Variants in KLF12 observed in about 807,000 individuals in gnomAD.
KLF12 encodes the protein KLF transcription factor 12.
KLF12 carries 9 observed loss-of-function variants against 37.8 expected under a neutral mutation model. The ratio of observed to expected loss-of-function variants is 0.24; its 90% CI spans 0.14 to 0.42. KLF12 has a LOEUF of 0.42. Among genes scored for constraint, KLF12 ranks in the 10% least tolerant of loss-of-function variants. KLF12 has a pLI of 1.00. For synonymous variants in KLF12, 208 were observed against 202.1 expected (o/e 1.03, Z -0.25); for missense variants, 411 against 516.0 (o/e 0.80, Z 1.97).
chr13:73,779,458 T>C (rs1338419225), intron 5 of KLF12, among the ~76,000 whole-genome samples: 1 of 152,158 alleles, frequency 6.6e-6, no homozygotes, highest in Non-Finnish European at 1.5e-5. Flanking sequence ...AATACATCCA[T>C]GTGCTGGGAG....
chr13:73,794,306 C>T (rs916974724), intron 5 of KLF12, among the ~76,000 whole-genome samples: 1 of 152,114 alleles, frequency 6.6e-6, no homozygotes, highest in African/African-American at 2.4e-5. Flanking sequence ...ATTAAAAATA[C>T]AAAAATTAGC....
intron 4 of KLF12, among the ~76,000 whole-genome samples, chr13:73,841,203 C>G (rs932355895): frequency 6.6e-6 from 1 of 152,094 alleles, no homozygotes; most frequent in Non-Finnish European, 1.5e-5. Context: ...CACTGCATAT[C>G]GGAAGGAAGG....
At chr13:74,102,480 C>T (rs1430590691) in intron 1 of KLF12, among the ~76,000 whole-genome samples, 1 of 151,870 alleles carries the variant, frequency 6.6e-6, no homozygotes, top group Middle Eastern at 3.4e-3. Context: ...AGCGGATCAC[C>T]TGAGGGTAGG....
At chr13:73,950,386 T>G (rs1356595251) in intron 2 of KLF12, among the ~76,000 whole-genome samples, 4 of 152,188 alleles carry the variant, frequency 2.6e-5, no homozygotes, top group African/African-American at 9.7e-5. Flanking sequence ...CTACTTTCCT[T>G]TGTTCATTGG....
chr13:74,297,065 G>GTCAT, the KLF12 span, among the ~76,000 whole-genome samples: 4 of 151,464 alleles, frequency 2.6e-5, no homozygotes, highest in African/African-American at 7.3e-5. Flanking sequence ...CAAAGTGAAA[G>GTCAT]TCATTCATTC....
At chr13:73,978,120 G>C (rs1891588612) in intron 2 of KLF12, among the ~76,000 whole-genome samples, 1 of 152,106 alleles carries the variant, frequency 6.6e-6, no homozygotes. Flanking sequence ...TAACTGATAA[G>C]CTGAACTTCA....
At chr13:73,761,799 A>C (rs1879572116) in intron 6 of KLF12, among the ~76,000 whole-genome samples, 1 of 152,136 alleles carries the variant, frequency 6.6e-6, no homozygotes. Context: ...AGAGGTTTTT[A>C]CTTCCCTACC....
At chr13:74,269,524 T>A in the KLF12 span, among the ~76,000 whole-genome samples, 1 of 152,194 alleles carries the variant, frequency 6.6e-6, no homozygotes, top group South Asian at 2.1e-4. Flanking sequence ...ATAATGGGAC[T>A]CTGGATGGTC....
At chr13:73,809,273 A>C (rs1338084381) in intron 5 of KLF12, among the ~76,000 whole-genome samples, 1 of 151,684 alleles carries the variant, frequency 6.6e-6, no homozygotes, top group Admixed American at 6.6e-5. Context: ...TATTTAATAC[A>C]TTAAGTTTAT....
At chr13:74,133,505 G>A (rs1161231420) in intron 1 of KLF12, among the ~76,000 whole-genome samples, 1 of 151,706 alleles carries the variant, frequency 6.6e-6, no homozygotes, top group Non-Finnish European at 1.5e-5. Context: ...TCTTCTCCAC[G>A]AATCCGACCG....
chr13:73,980,385 A>G (rs1323063962), intron 2 of KLF12, among the ~76,000 whole-genome samples: 1 of 152,186 alleles, frequency 6.6e-6, no homozygotes, highest in South Asian at 2.1e-4. Context: ...CCCAGTCAGA[A>G]TATTTTTTTA....
At position 74,027,106 on chromosome 13, in the gene KLF12, G is replaced by A. The variant is rs148595201; in HGVS notation, c.-31-32053C>T. Among the ~76,000 whole-genome samples the A allele has an allele frequency of 4.9e-3, 748 of 152,202 alleles. 2 individuals carry two copies. The highest frequency in any genetic ancestry group is 0.017 in the Middle Eastern group (5 of 294). Reference sequence around the variant, plus strand: ...TAGAATAAAGAAGCAGAATAGAAAAGAACAATGGGAAAGAGATGCAGAATT... The same window carrying A: ...TAGAATAAAGAAGCAGAATAGAAAAAAACAATGGGAAAGAGATGCAGAATT... On this transcript the variant is annotated intron_variant, in intron 1 of 7. Transcript: ENST00000377669.
At chr13:73,837,915 C>T (rs183952011) in intron 4 of KLF12, among the ~76,000 whole-genome samples, 8 of 152,206 alleles carry the variant, frequency 5.3e-5, no homozygotes, top group Admixed American at 2.0e-4. Context: ...GGATGGGTGA[C>T]GCCAGGATTC....
intron 5 of KLF12, among the ~76,000 whole-genome samples, chr13:73,780,557 G>A (rs1270480031): frequency 1.3e-5 from 2 of 151,126 alleles, no homozygotes; most frequent in African/African-American, 4.9e-5. Flanking sequence ...TTGGCTCACC[G>A]CAACCTCCGC....
At chr13:73,748,299 G>A (rs1878509372) in intron 6 of KLF12, among the ~76,000 whole-genome samples, 1 of 152,126 alleles carries the variant, frequency 6.6e-6, no homozygotes, top group Non-Finnish European at 1.5e-5. Flanking sequence ...TATTATATAT[G>A]ATCCTTGTCT....
chr13:74,080,885 G>A (rs768545608), intron 1 of KLF12, among the ~76,000 whole-genome samples: 1 of 152,312 alleles, frequency 6.6e-6, no homozygotes, highest in African/African-American at 2.4e-5. Flanking sequence ...GACAAAGGAA[G>A]CCCTTTAAGT....
At chr13:73,770,341 C>T (rs1379445106) in intron 5 of KLF12, among the ~76,000 whole-genome samples, 1 of 152,032 alleles carries the variant, frequency 6.6e-6, no homozygotes, top group Non-Finnish European at 1.5e-5. Context: ...TGTTTAAATT[C>T]AGTGGGCCTA....
At chr13:74,005,285 T>A (rs1279205231) in intron 1 of KLF12, among the ~76,000 whole-genome samples, 1 of 152,164 alleles carries the variant, frequency 6.6e-6, no homozygotes, top group Non-Finnish European at 1.5e-5. Context: ...GTTAACTTCC[T>A]AAAATGATTG....
intron 1 of KLF12, among the ~76,000 whole-genome samples, chr13:74,121,247 A>T (rs546701417): frequency 6.6e-6 from 1 of 152,236 alleles, no homozygotes; most frequent in East Asian, 1.9e-4. Flanking sequence ...GAGTCAAAAA[A>T]TCAGTAACAA....
Sources: allele counts gnomAD v4.1 joint callset (sites outside exome capture counted in the v4.1 genomes callset), GRCh38; gene constraint gnomAD v4.1.1; transcripts MANE v1.5; gene names NCBI Gene and HGNC (gene_info 2026-07-23, HGNC 2026-07-21).